Variants in MBOAT2 observed in about 807,000 individuals in gnomAD.
The protein encoded by MBOAT2 is membrane-bound glycerophospholipid O-acyltransferase 2.
A neutral mutation model predicts 63.4 loss-of-function variants in MBOAT2; 28 were observed. The observed-to-expected ratio is 0.44, with a 90% CI of 0.33 to 0.61. The LOEUF (loss-of-function observed/expected upper bound fraction) is 0.61. MBOAT2 is among the 20% of genes least tolerant of loss of function. MBOAT2 has a pLI of 0.03. For missense variants in MBOAT2, 470 were observed against 605.8 expected (o/e 0.78, Z 2.35); for synonymous variants, 211 against 215.6 (o/e 0.98, Z 0.19).
rs1350987067 is a variant in MBOAT2, at chr2:8,864,297, ATAT to A, written c.988-66_988-64del. 2.3e-5 allele frequency: 21 copies of A among 932,734 alleles called. No individual in the cohort carries two copies. In the African/African-American group the frequency reaches 2.9e-4, roughly 13 times the overall value. The allele number at this position is 932,734 out of a possible 1,614,324, so 57.8% of individuals were successfully genotyped here. A position where few individuals can be genotyped will look rare whatever the true frequency, so the allele number is the denominator to read the frequency against. Reference sequence around the variant, plus strand: ...ATAATGAAGCTTTAAATATAATAATATATTATTATGCTAAAAAATAAAAACAAA... The same window carrying A: ...ATAATGAAGCTTTAAATATAATAATATATTATGCTAAAAAATAAAAACAAA... On this transcript the variant is annotated intron_variant, in intron 9 of 12. Transcript: ENST00000305997.
At chr2:8,926,751 G>T (rs1222981158) in intron 3 of MBOAT2, among the ~76,000 whole-genome samples, 1 of 152,214 alleles carries the variant, frequency 6.6e-6, no homozygotes, top group Non-Finnish European at 1.5e-5. Flanking sequence ...GCAAAGCACA[G>T]CACAGACCAG....
At chr2:8,861,674 C>G (rs1455139768) in intron 11 of MBOAT2, among the ~76,000 whole-genome samples, 1 of 152,162 alleles carries the variant, frequency 6.6e-6, no homozygotes, top group African/African-American at 2.4e-5. Context: ...CTCTCAAAGT[C>G]CAGATCCAAA....
chr2:8,911,897 C>A (rs1330974129), intron 3 of MBOAT2, among the ~76,000 whole-genome samples: 1 of 152,088 alleles, frequency 6.6e-6, no homozygotes, highest in Non-Finnish European at 1.5e-5. Context: ...AGACACTTTG[C>A]CGTCCCACCC....
chr2:8,987,168 A>G (rs1326467476), intron 1 of MBOAT2, among the ~76,000 whole-genome samples: 1 of 152,248 alleles, frequency 6.6e-6, no homozygotes, highest in Non-Finnish European at 1.5e-5. Flanking sequence ...GTATGTGGAA[A>G]CTAGCTGTAC....
chr2:8,871,162 T>C (rs1242403575), intron 8 of MBOAT2, among the ~76,000 whole-genome samples: 1 of 152,066 alleles, frequency 6.6e-6, no homozygotes, highest in Non-Finnish European at 1.5e-5. Context: ...ACCTGGCTAA[T>C]TAAAAAAATT....
intron 4 of MBOAT2, among the ~76,000 whole-genome samples, chr2:8,895,020 T>G (rs780475116): frequency 6.6e-6 from 1 of 152,166 alleles, no homozygotes; most frequent in African/African-American, 2.4e-5. Flanking sequence ...ACTTCAGGAG[T>G]AAAGCTGCAG....
At chr2:8,937,285 C>T (rs1667736383) in intron 3 of MBOAT2, among the ~76,000 whole-genome samples, 1 of 152,194 alleles carries the variant, frequency 6.6e-6, no homozygotes, top group Admixed American at 6.5e-5. Context: ...TTCGAGGGGG[C>T]TCCTTGGACA....
At chr2:8,968,865 A>G (rs2103303403) in intron 1 of MBOAT2, among the ~76,000 whole-genome samples, 1 of 152,304 alleles carries the variant, frequency 6.6e-6, no homozygotes, top group Non-Finnish European at 1.5e-5. Flanking sequence ...GCCTCCAAGA[A>G]ATATGGGACT....
chr2:8,971,978 A>G (rs1374546133), intron 1 of MBOAT2, among the ~76,000 whole-genome samples: 2 of 152,246 alleles, frequency 1.3e-5, no homozygotes, highest in Non-Finnish European at 2.9e-5. Context: ...GTCCCCATCA[A>G]GCTACCAATG....
intron 3 of MBOAT2, among the ~76,000 whole-genome samples, chr2:8,927,834 T>C (rs567509999): frequency 7.9e-5 from 12 of 152,300 alleles, no homozygotes; most frequent in African/African-American, 2.9e-4. Flanking sequence ...GACTGTGTGA[T>C]CAGGCTTTTC....
chr2:8,909,970 A>G (rs1238915769), intron 3 of MBOAT2, among the ~76,000 whole-genome samples: 1 of 152,214 alleles, frequency 6.6e-6, no homozygotes, highest in Admixed American at 6.5e-5. Context: ...CTAATTGCCC[A>G]CTTCTGTGGG....
chr2:8,901,565 T>A (rs933090533), intron 4 of MBOAT2, among the ~76,000 whole-genome samples: 2 of 152,140 alleles, frequency 1.3e-5, no homozygotes, highest in African/African-American at 4.8e-5. Flanking sequence ...AGGGAAGGGA[T>A]CTCCAGAGTT....
At chr2:8,958,308 A>G (rs531742964) in intron 2 of MBOAT2, among the ~76,000 whole-genome samples, 189 bp downstream of exon 2, 1 of 152,348 alleles carries the variant, frequency 6.6e-6, no homozygotes, top group African/African-American at 2.4e-5. Context: ...CTAAGACTAA[A>G]GAGAGAGCAA....
intron 4 of MBOAT2, among the ~76,000 whole-genome samples, chr2:8,902,102 C>A (rs1436092639): frequency 6.6e-6 from 1 of 152,164 alleles, no homozygotes; most frequent in Non-Finnish European, 1.5e-5. Context: ...AAAGTGGAAG[C>A]TGGTTCCAGG....
chr2:8,971,985 AAT>A (rs1231034966), intron 1 of MBOAT2, among the ~76,000 whole-genome samples: 2 of 152,216 alleles, frequency 1.3e-5, no homozygotes, highest in African/African-American at 2.4e-5. Context: ...TCAAGCTACC[AAT>A]GACTTTCTTC....
intron 4 of MBOAT2, among the ~76,000 whole-genome samples, chr2:8,902,213 G>A (rs868044357): frequency 1.3e-5 from 2 of 152,168 alleles, no homozygotes; most frequent in Admixed American, 6.5e-5. Context: ...CGTGCTAGTC[G>A]CTTTTAACTG....
rs574206186 is a variant in MBOAT2 at position 8,936,821 on chromosome 2, A to G, written c.299+6366T>C. Reference sequence around the variant, plus strand: ...AAAAAAAAAAGAAAAGAAAAAGAAAAGAAAAAAAAAGAAAGAAAGAAAGAA... The same window carrying G: ...AAAAAAAAAAGAAAAGAAAAAGAAAGGAAAAAAAAAGAAAGAAAGAAAGAA... On this transcript the variant is annotated intron_variant, in intron 3 of 12. Coordinates refer to ENST00000305997, the MANE Select transcript of MBOAT2 (RefSeq NM_138799.4). Among the ~76,000 whole-genome samples the G allele has an allele frequency of 4.7e-4, 70 of 150,376 alleles. No individual in the cohort carries two copies. In the South Asian group the frequency reaches 0.015, roughly 31 times the overall value.
At chr2:8,929,781 T>C (rs552516744) in intron 3 of MBOAT2, among the ~76,000 whole-genome samples, 22 of 152,052 alleles carry the variant, frequency 1.4e-4, no homozygotes, top group Admixed American at 1.1e-3. Context: ...TGAGAGGAGG[T>C]TCCAGCTGGG....
intron 1 of MBOAT2, among the ~76,000 whole-genome samples, chr2:8,985,425 C>T (rs983710685): frequency 6.6e-6 from 1 of 152,034 alleles, no homozygotes; most frequent in South Asian, 2.1e-4. Flanking sequence ...TAATCTATAC[C>T]GGAACTCCAG....
Sources: allele counts gnomAD v4.1 joint callset (sites outside exome capture counted in the v4.1 genomes callset), GRCh38; gene constraint gnomAD v4.1.1; transcripts MANE v1.5; gene names NCBI Gene and HGNC (gene_info 2026-07-23, HGNC 2026-07-21).